Variants in ATM observed in about 807,000 individuals in gnomAD.
The protein encoded by ATM is ATM serine/threonine kinase, also known as serine-protein kinase ATM.
ATM carries 308 observed loss-of-function variants against 387.0 expected under a neutral mutation model. The ratio of observed to expected loss-of-function variants is 0.80; its 90% CI spans 0.73 to 0.87. The LOEUF is 0.87. ATM is among the 40% of genes least tolerant of loss of function. The probability of loss-of-function intolerance (pLI) is 0.00; values close to 1 mark genes in which losing one functional copy is unlikely to be tolerated. For missense variants in ATM, 3,312 were observed against 3,560.9 expected, an observed-to-expected ratio of 0.93 and a Z score of 1.78; for synonymous variants, 1,156 against 1,187.3, an observed-to-expected ratio of 0.97 and a Z score of 0.54.
At position 108,251,057 on chromosome 11, in the gene ATM, C is replaced by T. The variant is rs1591524927; in HGVS notation, c.1592C>T (p.Ala531Val). The T allele has an allele frequency of 6.2e-7, 1 of 1,614,026 alleles. No homozygotes were observed. Among genetic ancestry groups the T allele is most frequent in the Non-Finnish European group, 8.5e-7 (1 of 1,180,004 alleles). Residue 531 changes from alanine to valine, a missense_variant, in exon 10 of 63, where the codon GCC becomes GTC. Around this residue, in one of 4 missense-constraint regions of ATM, gnomAD observed 1,791 missense variants for 1,804.5 expected, o/e 0.99. Transcript: ENST00000675843. ...REFWKLFTGS[A>V]CRPSCPAVCC... is the part of the protein sequence containing the mutation. ...TTCTGGAAGTTATTTACTGGGTCAG[C>T]CTGCAGACCTTCATGGTAAGTTCAG...
chr11:108,321,402 T>C lies in ATM; in HGVS notation c.6554T>C (p.Ile2185Thr), dbSNP rs779611511. ...RLQAIGELES[I>T]GELFSRSVTH... is the part of the protein sequence containing the mutation. Reference sequence around the variant, plus strand: ...CAGGCCATTGGAGAGCTGGAAAGCATTGGGGAGCTTTTCTCAAGGTATGTA... The same window carrying C: ...CAGGCCATTGGAGAGCTGGAAAGCACTGGGGAGCTTTTCTCAAGGTATGTA... Residue 2185 changes from isoleucine (I) to threonine (T), a missense_variant, in exon 45 of 63, where the codon ATT becomes ACT. Around this residue, in one of 4 missense-constraint regions of ATM, gnomAD observed 1,405 missense variants for 1,604.4 expected, o/e 0.88. Transcript: ENST00000675843. The C allele has an allele frequency of 8.7e-6, 14 of 1,613,986 alleles. No homozygotes were observed. The highest frequency in any genetic ancestry group is 5.3e-5 in the African/African-American group (4 of 74,920).
At chr11:108,251,299 A>G (rs1286251192) in intron 10 of ATM, among the ~76,000 whole-genome samples, 1 of 152,206 alleles carries the variant, frequency 6.6e-6, no homozygotes, top group Non-Finnish European at 1.5e-5. Flanking sequence ...TTTCTTTTTT[A>G]GTTAAAAAAT....
intron 56 of ATM, among the ~76,000 whole-genome samples, chr11:108,339,613 T>C (rs1169202912): frequency 3.3e-5 from 5 of 152,154 alleles, no homozygotes; most frequent in African/African-American, 1.2e-4. Flanking sequence ...ATTTGCTTTT[T>C]GAAATTCAAA....
Position 108,282,780 on chromosome 11 carries a change from A to T in ATM, c.3647A>T (p.Tyr1216Phe), listed in dbSNP as rs1565444784. 1.2e-6 allele frequency: 2 copies of T among 1,609,256 alleles called. No individual in the cohort carries two copies. The highest frequency in any genetic ancestry group is 1.3e-5 in the African/African-American group (1 of 74,946). Residue 1216 changes from tyrosine to phenylalanine, a missense_variant, in exon 25 of 63, where the codon TAT (tyrosine) becomes TTT (phenylalanine). Tyr to Phe is a conservative substitution (Grantham distance 22). This residue lies in a region of ATM where 1,791 missense variants were observed against 1,804.5 expected (regional missense o/e 0.99). Coordinates refer to ENST00000675843, the MANE Select transcript of ATM (RefSeq NM_000051.4). Reference protein sequence around the residue: ...LEDFMASHLDYLVLEWLNLQD... With the variant: ...LEDFMASHLDFLVLEWLNLQD... The stretch of plus-strand genomic sequence containing the variant: ...GACTTTATGGCATCTCATTTAGATT[A>T]TCTGGTTTTGGAATGGCTAAATCTT...
chr11:108,294,588 A>G (rs2083013595), intron 31 of ATM, among the ~76,000 whole-genome samples: 1 of 152,154 alleles, frequency 6.6e-6, no homozygotes, highest in Non-Finnish European at 1.5e-5. Flanking sequence ...AAAAATACAA[A>G]ATTAGCTGGG....
At chr11:108,347,114 T>C (rs2088514649) in intron 58 of ATM, among the ~76,000 whole-genome samples, 165 bp from the exon 59 acceptor site, 1 of 152,232 alleles carries the variant, frequency 6.6e-6, no homozygotes, top group Admixed American at 6.5e-5. Flanking sequence ...TGGCAAGATT[T>C]GAGTTAAACT....
intron 4 of ATM, chr11:108,230,343 G>A (rs2078948355): frequency 6.6e-6 from 1 of 152,182 alleles, no homozygotes; most frequent in Non-Finnish European, 1.5e-5. Flanking sequence ...TTGAACCCAG[G>A]AGGCAGAGGT....
At chr11:108,284,605 C>A in intron 26 of ATM, 132 bp downstream of exon 26, 2 of 1,228,608 alleles carry the variant, frequency 1.6e-6, no homozygotes, top group Non-Finnish European at 2.3e-6. Context: ...CATTATCTAG[C>A]ATAGCCAACC....
intron 37 of ATM, among the ~76,000 whole-genome samples, chr11:108,305,960 C>A (rs143637181): frequency 1.1e-3 from 160 of 152,268 alleles, no homozygotes; most frequent in African/African-American, 3.8e-3. Flanking sequence ...CCAATCAATT[C>A]TAATACAAAT....
chr11:108,272,510 T>C, intron 20 of ATM, 22 bp from the exon 21 acceptor site: 9 of 1,581,432 alleles, frequency 5.7e-6, no homozygotes, highest in Non-Finnish European at 7.0e-6. Context: ...TATTTAACTT[T>C]GGAAAACTTA....
At chr11:108,317,640 TATATATATATATAC>T (rs1227322247) in intron 43 of ATM, 119 bp downstream of exon 43, 197 of 175,956 alleles carry the variant, frequency 1.1e-3, no homozygotes, top group African/African-American at 5.6e-3. Flanking sequence ...TATATATATA[TATATATATATATAC>T]ACACACACAC....
intron 32 of ATM, chr11:108,295,332 A>AT: frequency 1.4e-5 from 5 of 355,992 alleles, no homozygotes; most frequent in South Asian, 2.8e-5. Context: ...TAAGAGACAG[A>AT]GTTTTTTTTT....
At chr11:108,266,401 C>T (rs1442018771) in intron 16 of ATM, among the ~76,000 whole-genome samples, 7 of 149,232 alleles carry the variant, frequency 4.7e-5, no homozygotes, top group East Asian at 2.0e-4. Flanking sequence ...AACCAAACAC[C>T]GCATGTTCTC....
intron 61 of ATM, among the ~76,000 whole-genome samples, chr11:108,357,801 C>CCAT (rs993238820): frequency 2.6e-4 from 39 of 152,028 alleles, no homozygotes; most frequent in Admixed American, 2.0e-3. Context: ...CTGTACATCA[C>CCAT]CATCATCAAA....
intron 29 of ATM, 106 bp downstream of exon 29, chr11:108,289,907 C>G (rs898188611): frequency 1.0e-5 from 12 of 1,145,224 alleles, no homozygotes; most frequent in Non-Finnish European, 1.5e-5. Context: ...ACTCTGTCCG[C>G]CCAGGCTGGG....
intron 13 of ATM, 126 bp downstream of exon 13, chr11:108,254,165 G>A (rs1263428630): frequency 2.5e-6 from 2 of 797,968 alleles, no homozygotes; most frequent in Non-Finnish European, 4.0e-6. Context: ...AAGCAAAGTG[G>A]CAGTAAAGGG....
chr11:108,229,585 C>T, intron 4 of ATM: 1 of 364,814 alleles, frequency 2.7e-6, no homozygotes. Context: ...GTTGTAAACA[C>T]CACTGCACTC....
At chr11:108,257,453 T>C in intron 14 of ATM, 28 bp from the exon 15 acceptor site, 2 of 1,609,156 alleles carry the variant, frequency 1.2e-6, no homozygotes, top group South Asian at 1.1e-5. Context: ...TTAACTGGAA[T>C]TTGCATTTTT....
chr11:108,341,115 C>G (rs1054788417), intron 56 of ATM, among the ~76,000 whole-genome samples: 1 of 151,964 alleles, frequency 6.6e-6, no homozygotes, highest in Non-Finnish European at 1.5e-5. Flanking sequence ...CTACCACTCT[C>G]CTCACACTCC....
Sources: allele counts gnomAD v4.1 joint callset (sites outside exome capture counted in the v4.1 genomes callset), GRCh38; gene constraint gnomAD v4.1.1; regional missense constraint gnomAD v4.1.1; transcripts MANE v1.5; gene names NCBI Gene and HGNC (gene_info 2026-07-23, HGNC 2026-07-21).